VAT1L: variants seen among roughly 807,000 people sequenced by gnomAD.
The protein encoded by VAT1L is putative NADPH-dependent quinone oxidoreductase VAT1L.
In VAT1L, 34 loss-of-function variants were observed where a neutral mutation model predicts 44.1. The observed-to-expected ratio is 0.77, with a 90% CI of 0.59 to 1.03. VAT1L has a LOEUF of 1.03. VAT1L is among the 50% of genes least tolerant of loss of function. VAT1L has a pLI of 0.00. For missense variants in VAT1L, 615 were observed against 538.8 expected, an observed-to-expected ratio of 1.14 and a Z score of -1.40; for synonymous variants, 253 against 202.2, an observed-to-expected ratio of 1.25 and a Z score of -2.13.
intron 7 of VAT1L, among the ~76,000 whole-genome samples, chr16:77,946,450 A>C (rs928013121): frequency 4.6e-5 from 7 of 151,214 alleles, no homozygotes; most frequent in Non-Finnish European, 7.4e-5. Flanking sequence ...CGGCCAGCTA[A>C]TTTTTGTATT....
intron 1 of VAT1L, among the ~76,000 whole-genome samples, chr16:77,814,841 CT>C (rs368721518): frequency 2.0e-5 from 3 of 152,118 alleles, no homozygotes; most frequent in African/African-American, 7.2e-5. Flanking sequence ...GTTTTTAACC[CT>C]TTTTTTACGA....
intron 3 of VAT1L, 138 bp from the exon 4 acceptor site, chr16:77,862,610 G>A: frequency 2.3e-6 from 2 of 862,488 alleles, no homozygotes; most frequent in South Asian, 2.0e-5. Context: ...GTGACAGAGT[G>A]AGACTCCATC....
intron 7 of VAT1L, among the ~76,000 whole-genome samples, chr16:77,895,550 C>G (rs2017315179): frequency 6.6e-6 from 1 of 152,036 alleles, no homozygotes; most frequent in Non-Finnish European, 1.5e-5. Flanking sequence ...TGATGTGATA[C>G]TGGGAATGGG....
intron 3 of VAT1L, among the ~76,000 whole-genome samples, chr16:77,848,252 T>C (rs2016775935): frequency 6.6e-6 from 1 of 152,142 alleles, no homozygotes; most frequent in Non-Finnish European, 1.5e-5. Context: ...CAATTAGTGC[T>C]CCATTTCCAC....
intron 7 of VAT1L, among the ~76,000 whole-genome samples, chr16:77,904,818 T>G (rs1216836641): frequency 6.6e-6 from 1 of 151,288 alleles, no homozygotes; most frequent in Admixed American, 6.6e-5. Flanking sequence ...ATCCATATTT[T>G]TATGTAAGAA....
At chr16:77,815,339 G>A (rs989981268) in intron 1 of VAT1L, among the ~76,000 whole-genome samples, 3 of 152,194 alleles carry the variant, frequency 2.0e-5, no homozygotes, top group Non-Finnish European at 2.9e-5. Context: ...TCATTCAGCA[G>A]ATGTTACTTG....
intron 7 of VAT1L, among the ~76,000 whole-genome samples, chr16:77,889,149 A>G (rs1238493595): frequency 3.9e-5 from 6 of 152,298 alleles, no homozygotes; most frequent in African/African-American, 7.2e-5. Flanking sequence ...TTGCTTCTCA[A>G]TCCAGCTCTA....
intron 3 of VAT1L, among the ~76,000 whole-genome samples, chr16:77,854,208 CCTCT>C (rs1567488313): frequency 6.6e-6 from 1 of 152,066 alleles, no homozygotes; most frequent in African/African-American, 2.4e-5. Context: ...ATTTTTCTTC[CCTCT>C]CTCCTATCTC....
At chr16:77,962,939 C>T (rs2018179951) in intron 7 of VAT1L, among the ~76,000 whole-genome samples, 2 of 152,076 alleles carry the variant, frequency 1.3e-5, no homozygotes, top group Non-Finnish European at 2.9e-5. Flanking sequence ...GATAGTGATC[C>T]TGCCTCAAAA....
intron 3 of VAT1L, among the ~76,000 whole-genome samples, chr16:77,828,453 C>T (rs756775150): frequency 6.6e-5 from 10 of 152,068 alleles, no homozygotes; most frequent in Non-Finnish European, 1.3e-4. Flanking sequence ...CACCTGAGGT[C>T]GGGAGTTCGA....
rs762875135 is a variant in VAT1L, at chr16:77,902,114, T to C, written c.1077+17312T>C. On this transcript the variant is annotated intron_variant, in intron 7 of 8. Transcript: ENST00000302536. Reference sequence around the variant, plus strand: ...AAAATCTAAACTTTTTGGGTTTATGTATAATTTACTAAAATTCCATTAGAA... The same window carrying C: ...AAAATCTAAACTTTTTGGGTTTATGCATAATTTACTAAAATTCCATTAGAA... Among the ~76,000 whole-genome samples, 66 of 152,240 alleles carry C rather than the reference T, an allele frequency of 4.3e-4. 1 individual carries two copies. The highest frequency in any genetic ancestry group is 2.6e-4 in the Non-Finnish European group (18 of 68,046).
chr16:77,963,119 C>A (rs2018181478), intron 7 of VAT1L, among the ~76,000 whole-genome samples: 1 of 152,178 alleles, frequency 6.6e-6, no homozygotes, highest in Admixed American at 6.5e-5. Context: ...ACCTTCACGG[C>A]AGTTCTATTA....
chr16:77,962,356 T>C (rs1254517722), intron 7 of VAT1L, among the ~76,000 whole-genome samples: 2 of 152,138 alleles, frequency 1.3e-5, no homozygotes, highest in African/African-American at 4.8e-5. Flanking sequence ...GGGGAGACTT[T>C]GCTTTGCATG....
At chr16:77,845,879 T>C (rs2447781) in intron 3 of VAT1L, among the ~76,000 whole-genome samples, 91,958 of 152,096 alleles carry the variant, frequency 0.6, 28,407 homozygotes, top group East Asian at 0.73. Context: ...ATCTGTGCAT[T>C]CATCCATCTG....
intron 7 of VAT1L, among the ~76,000 whole-genome samples, chr16:77,915,763 A>C (rs1490932298): frequency 6.6e-6 from 1 of 152,224 alleles, no homozygotes; most frequent in Non-Finnish European, 1.5e-5. Context: ...AGCCAGATAG[A>C]GGGTCTCACA....
intron 7 of VAT1L, among the ~76,000 whole-genome samples, chr16:77,910,396 G>A (rs1489458576): frequency 6.6e-6 from 1 of 152,208 alleles, no homozygotes; most frequent in African/African-American, 2.4e-5. Context: ...TAGGTGGCCA[G>A]GCGTGGTGGC....
At chr16:77,907,101 A>G (rs1175188999) in intron 7 of VAT1L, among the ~76,000 whole-genome samples, 1 of 152,226 alleles carries the variant, frequency 6.6e-6, no homozygotes, top group Non-Finnish European at 1.5e-5. Context: ...CGGGGGAAAA[A>G]AAGCCCTGCT....
At chr16:77,793,063 A>C (rs1161424863) in intron 1 of VAT1L, among the ~76,000 whole-genome samples, 2 of 152,122 alleles carry the variant, frequency 1.3e-5, no homozygotes, top group Admixed American at 6.5e-5. Flanking sequence ...TTATTATGTA[A>C]ACTTTTACTT....
intron 7 of VAT1L, among the ~76,000 whole-genome samples, chr16:77,968,384 G>A (rs1484372265): frequency 6.6e-6 from 1 of 152,174 alleles, no homozygotes. Flanking sequence ...CCTGAAAGAG[G>A]AGGAACACGT....
Sources: gnomAD v4.1 joint callset for allele counts (sites outside exome capture counted in the v4.1 genomes callset) on GRCh38, gnomAD v4.1.1 for gene constraint, MANE v1.5 for transcripts, NCBI Gene and HGNC (gene_info 2026-07-23, HGNC 2026-07-21) for gene names.